Variants in COL25A1 observed in about 807,000 individuals in gnomAD.
COL25A1 encodes the protein collagen type XXV alpha 1 chain, also known as collagen alpha-1(XXV) chain.
COL25A1 carries 103 observed loss-of-function variants against 128.4 expected under a neutral mutation model. That is an observed-to-expected ratio of 0.80 (90% CI 0.68 to 0.94). The LOEUF (loss-of-function observed/expected upper bound fraction) is 0.94, where lower values mean the gene tolerates loss of function less well. Ranked by LOEUF, COL25A1 falls within the 40% of genes least tolerant of loss-of-function variation. The pLI is 0.00. For missense variants in COL25A1, 745 were observed against 840.0 expected, an observed-to-expected ratio of 0.89 and a Z score of 1.40; for synonymous variants, 279 against 277.2, an observed-to-expected ratio of 1.01 and a Z score of -0.06.
intron 22 of COL25A1, 126 bp downstream of exon 22, chr4:108,862,375 G>C (rs1737341272): frequency 1.3e-6 from 1 of 745,462 alleles, no homozygotes. Flanking sequence ...TTTGCAATAA[G>C]TATTGCAGTT....
chr4:108,902,401 C>A (rs1742947733), intron 13 of COL25A1, among the ~76,000 whole-genome samples: 1 of 151,940 alleles, frequency 6.6e-6, no homozygotes, highest in South Asian at 2.1e-4. Context: ...GGACTTGAAC[C>A]TTCATGGTTT....
At chr4:109,022,924 T>C (rs61374272) in intron 5 of COL25A1, among the ~76,000 whole-genome samples, 3,089 of 152,198 alleles carry the variant, frequency 0.02, 84 homozygotes, top group African/African-American at 0.07. Flanking sequence ...GGATTCAAAT[T>C]AAAGCCTTTC....
chr4:109,012,504 T>C (rs1756708529), intron 5 of COL25A1, among the ~76,000 whole-genome samples: 3 of 152,134 alleles, frequency 2.0e-5, no homozygotes, highest in Admixed American at 2.0e-4. Context: ...TTGGGCTGCG[T>C]GCAGCGCTCG....
At chr4:109,015,522 A>G (rs1011765640) in intron 5 of COL25A1, among the ~76,000 whole-genome samples, 4 of 152,238 alleles carry the variant, frequency 2.6e-5, no homozygotes, top group Non-Finnish European at 5.9e-5. Flanking sequence ...GAAACAGTTA[A>G]GTCACAAACA....
chr4:108,907,174 G>A (rs1391971720), intron 13 of COL25A1, among the ~76,000 whole-genome samples: 2 of 152,300 alleles, frequency 1.3e-5, no homozygotes, highest in Middle Eastern at 3.4e-3. Flanking sequence ...GAAGCGAGGC[G>A]AGTGCGAGTT....
At chr4:108,842,834 A>G (rs1734603810) in intron 30 of COL25A1, among the ~76,000 whole-genome samples, 1 of 152,186 alleles carries the variant, frequency 6.6e-6, no homozygotes, top group African/African-American at 2.4e-5. Context: ...ATTCTTAATG[A>G]ACCATCCAGT....
intron 3 of COL25A1, among the ~76,000 whole-genome samples, chr4:109,115,238 C>T (rs986823466): frequency 6.6e-6 from 1 of 152,014 alleles, no homozygotes; most frequent in Non-Finnish European, 1.5e-5. Flanking sequence ...AAAACAAATA[C>T]CTTTATTTTT....
At chr4:109,134,862 C>T (rs1045301567) in intron 3 of COL25A1, among the ~76,000 whole-genome samples, 1 of 151,780 alleles carries the variant, frequency 6.6e-6, no homozygotes, top group African/African-American at 2.4e-5. Context: ...TTGAAGTCAT[C>T]AGAATATAGA....
intron 6 of COL25A1, among the ~76,000 whole-genome samples, chr4:109,008,206 T>C (rs1390062307): frequency 2.0e-5 from 3 of 152,218 alleles, no homozygotes; most frequent in African/African-American, 2.4e-5. Context: ...CCAGGAGTGC[T>C]GAAAAGCCAA....
intron 6 of COL25A1, among the ~76,000 whole-genome samples, chr4:108,989,278 T>A (rs150303564): frequency 1.4e-4 from 21 of 152,370 alleles, no homozygotes; most frequent in African/African-American, 4.8e-4. Flanking sequence ...CTTTGTGCAG[T>A]GCACAGTGTG....
At chr4:109,095,619 T>A (rs1019560489) in intron 3 of COL25A1, among the ~76,000 whole-genome samples, 9 of 152,214 alleles carry the variant, frequency 5.9e-5, no homozygotes, top group Non-Finnish European at 1.0e-4. Context: ...ATTTGTCCCC[T>A]GGGAAAGCTA....
At chr4:108,879,837 C>T (rs1739910948) in intron 19 of COL25A1, among the ~76,000 whole-genome samples, 1 of 151,922 alleles carries the variant, frequency 6.6e-6, no homozygotes, top group Admixed American at 6.6e-5. Flanking sequence ...GAGATGGAGT[C>T]TTGCTCCATC....
chr4:108,997,467 T>A (rs978549716), intron 6 of COL25A1, among the ~76,000 whole-genome samples: 1 of 152,104 alleles, frequency 6.6e-6, no homozygotes, highest in Non-Finnish European at 1.5e-5. Context: ...GGCTCTGAAA[T>A]TGAGACAATA....
intron 3 of COL25A1, among the ~76,000 whole-genome samples, chr4:109,100,366 C>T (rs1348237238): frequency 6.6e-6 from 1 of 150,754 alleles, no homozygotes; most frequent in Non-Finnish European, 1.5e-5. Context: ...AAAATCAAAA[C>T]CAATGACAAA....
intron 6 of COL25A1, among the ~76,000 whole-genome samples, chr4:108,975,263 T>A (rs1344077136): frequency 1.3e-5 from 2 of 152,216 alleles, no homozygotes; most frequent in Non-Finnish European, 2.9e-5. Flanking sequence ...AAGACCAGCC[T>A]GGCCAACATG....
At chr4:108,813,988 T>C in intron 37 of COL25A1, 59 bp from the exon 38 acceptor site, 1 of 1,350,630 alleles carries the variant, frequency 7.4e-7, no homozygotes, top group Non-Finnish European at 1.1e-6. Flanking sequence ...GAATTAAAAT[T>C]TTAAATCAAT....
chr4:109,093,466 A>AACAAAAAAG (rs1560679565), intron 3 of COL25A1, among the ~76,000 whole-genome samples: 1 of 150,956 alleles, frequency 6.6e-6, no homozygotes, highest in African/African-American at 2.5e-5. Context: ...TGAAAAAAAA[A>AACAAAAAAG]AAAAAAAAAA....
intron 3 of COL25A1, among the ~76,000 whole-genome samples, chr4:109,051,376 C>A (rs887276094): frequency 6.6e-6 from 1 of 152,078 alleles, no homozygotes; most frequent in African/African-American, 2.4e-5. Context: ...GGTTAAGAAA[C>A]AATTGAGCAA....
chr4:108,936,800 A>ATATATAT (rs1747470006), intron 11 of COL25A1, among the ~76,000 whole-genome samples: 2 of 134,728 alleles, frequency 1.5e-5, no homozygotes, highest in African/African-American at 2.7e-5. Context: ...CTGTTTCTTA[A>ATATATAT]ATATATATAT....
Sources: allele counts gnomAD v4.1 joint callset (sites outside exome capture counted in the v4.1 genomes callset), GRCh38; gene constraint gnomAD v4.1.1; transcripts MANE v1.5; gene names NCBI Gene and HGNC (gene_info 2026-07-23, HGNC 2026-07-21).